RILPL1: variants seen among roughly 807,000 people sequenced by gnomAD.
RILPL1 encodes the protein Rab interacting lysosomal protein like 1, also known as RILP-like protein 1.
In RILPL1, 33 loss-of-function variants were observed where a neutral mutation model predicts 50.3. The ratio of observed to expected loss-of-function variants is 0.66; its 90% CI spans 0.50 to 0.88. RILPL1 has a LOEUF of 0.88. RILPL1 is among the 40% of genes least tolerant of loss of function. RILPL1 has a pLI of 0.00. For synonymous variants in RILPL1, 205 were observed against 228.6 expected, an observed-to-expected ratio of 0.90 and a Z score of 0.93; for missense variants, 418 against 542.5, an observed-to-expected ratio of 0.77 and a Z score of 2.28.
intron 1 of RILPL1, among the ~76,000 whole-genome samples, chr12:123,527,506 G>A (rs1397846653): frequency 2.6e-5 from 4 of 151,968 alleles, no homozygotes; most frequent in Non-Finnish European, 4.4e-5. Flanking sequence ...GCATGGTGGC[G>A]TGCACCTGAA....
rs1881252828 is a variant in RILPL1 at position 123,472,479 on chromosome 12, G to A, written c.*59C>T. On this transcript the variant is annotated 3_prime_UTR_variant, in exon 7 of 7. Transcript: ENST00000376874. ...AGGCAGCAATGACCCCTGGGCTGCA[G>A]TTCGGTTGCAGGCGCTGGTGGCGGG... The A allele has an allele frequency of 1.3e-6, 2 of 1,543,136 alleles. No homozygotes were observed. Among genetic ancestry groups the A allele is most frequent in the Non-Finnish European group, 1.8e-6 (2 of 1,141,492 alleles).
chr12:123,533,344 A>G lies in RILPL1; in HGVS notation c.139T>C (p.Cys47Arg). ...GGCATGAGGCGCGCGATGGCCTCGC[A>G]GCCGTGCTGGTCAATGACCCGCTCG... ...EFERVIDQHG[C>R]EAIARLMPKV... The change falls in exon 1 of 7, where the codon TGC (cysteine) becomes CGC (arginine). Residue 47 changes from cysteine to arginine, a missense_variant. Cys to Arg is a radical substitution (Grantham distance 180). Coordinates refer to ENST00000376874, the MANE Select transcript of RILPL1 (RefSeq NM_178314.5). This position sits in a 1 kb window ranked among gnomAD's most constrained non-coding sequence, Gnocchi z 6.2. 1 of 1,580,830 alleles carries G rather than the reference A, an allele frequency of 6.3e-7. No individual in the cohort carries two copies. Among genetic ancestry groups the G allele is most frequent in the Non-Finnish European group, 8.6e-7 (1 of 1,165,908 alleles).
chr12:123,492,584 T>C (rs984771336), intron 4 of RILPL1, among the ~76,000 whole-genome samples: 6 of 152,178 alleles, frequency 3.9e-5, no homozygotes, highest in Admixed American at 2.0e-4. Context: ...TGTCTCCTGG[T>C]GATCACACTG....
chr12:123,519,110 T>C (rs1213040373), intron 2 of RILPL1, among the ~76,000 whole-genome samples: 1 of 151,998 alleles, frequency 6.6e-6, no homozygotes, highest in Non-Finnish European at 1.5e-5. Flanking sequence ...CTGTTTTACT[T>C]TTTTGAATGT....
intron 1 of RILPL1, among the ~76,000 whole-genome samples, chr12:123,529,108 G>T (rs966211479): frequency 6.6e-6 from 1 of 152,042 alleles, no homozygotes; most frequent in Non-Finnish European, 1.5e-5. Context: ...CACTAGCCAC[G>T]TCTTCTGCCT....
chr12:123,499,984 T>G (rs977452390), intron 2 of RILPL1, among the ~76,000 whole-genome samples: 5 of 151,204 alleles, frequency 3.3e-5, no homozygotes, highest in African/African-American at 7.3e-5. Context: ...CAGGCTGGAG[T>G]GCAGTGGCGC....
At chr12:123,520,255 C>T (rs978758089) in intron 2 of RILPL1, among the ~76,000 whole-genome samples, 1 of 152,184 alleles carries the variant, frequency 6.6e-6, no homozygotes, top group Non-Finnish European at 1.5e-5. Context: ...ATGATTCAGA[C>T]AATTCGGACA....
At chr12:123,472,773 A>AC in intron 6 of RILPL1, 91 bp from the exon 7 acceptor site, 1 of 1,376,168 alleles carries the variant, frequency 7.3e-7, no homozygotes. Flanking sequence ...ATAGCAGCAA[A>AC]CTTAGAAGGG....
chr12:123,508,837 C>T (rs1317202967), intron 2 of RILPL1, among the ~76,000 whole-genome samples: 1 of 151,986 alleles, frequency 6.6e-6, no homozygotes, highest in Non-Finnish European at 1.5e-5. Flanking sequence ...TCATTGCACT[C>T]CACCTGGGTG....
chr12:123,474,677 G>A (rs1453543503), intron 6 of RILPL1: 1 of 152,216 alleles, frequency 6.6e-6, no homozygotes, highest in African/African-American at 2.4e-5. Flanking sequence ...GGGATCACAG[G>A]CGTTAGCCAC....
chr12:123,523,735 G>A, intron 1 of RILPL1, 90 bp from the exon 2 acceptor site: 4 of 1,454,538 alleles, frequency 2.8e-6, no homozygotes, highest in Non-Finnish European at 1.8e-6. Context: ...TTGGGTTGCT[G>A]GGACTTTGGG....
intron 6 of RILPL1, among the ~76,000 whole-genome samples, chr12:123,478,461 T>G (rs1881743957): frequency 6.6e-6 from 1 of 152,110 alleles, no homozygotes; most frequent in East Asian, 1.9e-4. Context: ...TAGCTGGTTT[T>G]AACTCCCCGC....
chr12:123,471,525 G>A lies in RILPL1; in HGVS notation c.*1013C>T, dbSNP rs1881190185. 6.6e-6 allele frequency: 1 copy of A among 152,242 alleles called. No individual in the cohort carries two copies. The highest frequency in any genetic ancestry group is 1.5e-5 in the Non-Finnish European group (1 of 68,092). 9.4% of individuals were successfully genotyped at this position (152,242 alleles called of 1,614,324 possible). A position where few individuals can be genotyped will look rare whatever the true frequency, so the allele number is the denominator to read the frequency against. On this transcript the variant is annotated 3_prime_UTR_variant, in exon 7 of 7. Transcript: ENST00000376874. ...CGGGTGGAGAGAAAGACAGTGTTAT[G>A]TGGGCAAGCCTCCAACTCACCAGTT...
intron 4 of RILPL1, among the ~76,000 whole-genome samples, chr12:123,488,468 A>G (rs891543123): frequency 2.0e-5 from 3 of 151,356 alleles, no homozygotes; most frequent in Non-Finnish European, 2.9e-5. Flanking sequence ...AAAAAAGAAG[A>G]AGAAGAAGAA....
chr12:123,508,868 CA>C (rs1230619514), intron 2 of RILPL1, among the ~76,000 whole-genome samples: 39 of 144,696 alleles, frequency 2.7e-4, no homozygotes, highest in South Asian at 4.4e-4. Context: ...CCCTCATCTC[CA>C]AAAAAAAAAA....
chr12:123,517,751 C>A lies in RILPL1; in HGVS notation c.460+5744G>T, dbSNP rs543629114. ...ACCGTTGAGCTCAACGTATCCAATTCGGTAGCCACCAGCAGCCACTGAGCA... is the reference window on the plus strand; with the variant it reads ...ACCGTTGAGCTCAACGTATCCAATTAGGTAGCCACCAGCAGCCACTGAGCA... On this transcript the variant is annotated intron_variant, in intron 2 of 6. Coordinates refer to ENST00000376874, the MANE Select transcript of RILPL1 (RefSeq NM_178314.5). Among the ~76,000 whole-genome samples, 4 of 152,194 alleles carry A rather than the reference C, an allele frequency of 2.6e-5. No homozygotes were observed. In the South Asian group the frequency reaches 8.3e-4, roughly 32 times the overall value.
intron 4 of RILPL1, among the ~76,000 whole-genome samples, chr12:123,488,567 C>T (rs372914044): frequency 2.0e-5 from 3 of 152,146 alleles, no homozygotes; most frequent in Non-Finnish European, 4.4e-5. Flanking sequence ...AAGGCAGAGC[C>T]GAGAGGCTTC....
intron 6 of RILPL1, chr12:123,475,650 A>G (rs926771077): frequency 3.8e-6 from 6 of 1,561,364 alleles, no homozygotes; most frequent in Non-Finnish European, 5.2e-6. Context: ...CCCAAAACAC[A>G]CACAGTGCCT....
At chr12:123,521,640 T>TATATATATATAA (rs1885042987) in intron 2 of RILPL1, among the ~76,000 whole-genome samples, 4 of 16,826 alleles carry the variant, frequency 2.4e-4, no homozygotes, top group Non-Finnish European at 3.3e-4. Context: ...CACACATATG[T>TATATATATATAA]GTATATATAT....
Sources: gnomAD v4.1 joint callset for allele counts (sites outside exome capture counted in the v4.1 genomes callset) on GRCh38, gnomAD v4.1.1 for gene constraint, Gnocchi (gnomAD v3.1) non-coding constraint, MANE v1.5 for transcripts, NCBI Gene and HGNC (gene_info 2026-07-23, HGNC 2026-07-21) for gene names.